The following KIAA0319 variants were observed in gnomAD, a reference collection of about 807,000 sequenced individuals.
KIAA0319 encodes KIAA0319, also known as dyslexia-associated protein KIAA0319.
In KIAA0319, 83 loss-of-function variants were observed where a neutral mutation model predicts 108.4. That is an observed-to-expected ratio of 0.77 (90% CI 0.64 to 0.92). KIAA0319 has a LOEUF of 0.92. Ranked by LOEUF, KIAA0319 falls within the 40% of genes least tolerant of loss-of-function variation. The pLI is 0.00. For synonymous variants in KIAA0319, 484 were observed against 510.4 expected (o/e 0.95, Z 0.70); for missense variants, 1,195 against 1,322.4 (o/e 0.90, Z 1.49).
rs747998887 is a variant in KIAA0319 at position 24,601,121 on chromosome 6, G to T, written c.-18C>A. On this transcript the variant is annotated 5_prime_UTR_variant, in exon 2 of 21. Coordinates refer to ENST00000378214, the MANE Select transcript of KIAA0319 (RefSeq NM_014809.4). ...GGCGCCATTGTGCACCACACAGTGG[G>T]TGATGGCAGGCTTCTGAGGCGGCCC... 4 of 1,613,666 alleles carry T rather than the reference G, an allele frequency of 2.5e-6. No individual in the cohort carries two copies. The highest frequency in any genetic ancestry group is 1.3e-5 in the African/African-American group (1 of 74,918).
intron 1 of KIAA0319, among the ~76,000 whole-genome samples, chr6:24,606,183 C>A (rs1196873859): frequency 6.6e-6 from 1 of 152,174 alleles, no homozygotes; most frequent in Non-Finnish European, 1.5e-5. Flanking sequence ...GTGATCTGCC[C>A]ACCTTGGCCT....
At chr6:24,552,715 C>T (rs1039289679) in intron 19 of KIAA0319, among the ~76,000 whole-genome samples, 11 of 152,276 alleles carry the variant, frequency 7.2e-5, no homozygotes, top group Admixed American at 1.3e-4. Context: ...AAGCGATTCT[C>T]CCGCCTCAGC....
At chr6:24,557,949 T>A (rs1462891687) in intron 17 of KIAA0319, among the ~76,000 whole-genome samples, 1 of 152,144 alleles carries the variant, frequency 6.6e-6, no homozygotes, top group Admixed American at 6.6e-5. Context: ...CATGTCATCC[T>A]GATTGTAGAG....
Position 24,572,758 on chromosome 6 carries a change from A to G in KIAA0319, c.1735-60T>C, listed in dbSNP as rs536518419. ...CAAAACAAAAAAGTAAAGAAGCACA[A>G]GTAAATAGTATGACAGAATGAAAAA... On this transcript the variant is annotated intron_variant, in intron 10 of 20. Transcript: ENST00000378214. The G allele has an allele frequency of 4.2e-6, 6 of 1,441,482 alleles. No individual in the cohort carries two copies. The African/African-American group carries it at 7.1e-5, about 17-fold the overall frequency. 89.3% of individuals were successfully genotyped at this position (1,441,482 alleles called of 1,614,324 possible).
chr6:24,637,981 C>T (rs552662868), intron 1 of KIAA0319, among the ~76,000 whole-genome samples: 1 of 152,148 alleles, frequency 6.6e-6, no homozygotes, highest in Non-Finnish European at 1.5e-5. Context: ...TAGAGGGATA[C>T]TTCCCAACAC....
At chr6:24,610,717 T>C (rs1484899833) in intron 1 of KIAA0319, among the ~76,000 whole-genome samples, 2 of 151,994 alleles carry the variant, frequency 1.3e-5, no homozygotes, top group Non-Finnish European at 2.9e-5. Context: ...GCCCACGAGT[T>C]TGTGACAAGC....
intron 1 of KIAA0319, among the ~76,000 whole-genome samples, chr6:24,607,384 G>GAAAAGAAAC (rs1491052546): frequency 6.5e-5 from 2 of 30,650 alleles, no homozygotes; most frequent in Admixed American, 7.0e-4. Context: ...AGAAAAGAAA[G>GAAAAGAAAC]AAAGCCAGAC....
chr6:24,578,351 C>T (rs1307544432), intron 8 of KIAA0319, 109 bp from the exon 9 acceptor site: 6 of 793,334 alleles, frequency 7.6e-6, no homozygotes, highest in Admixed American at 2.9e-5. Flanking sequence ...AAATTATGTA[C>T]TTGCCTAGAT....
At chr6:24,542,072 G>A (rs1383003678), downstream of KIAA0319, among the ~76,000 whole-genome samples, 2 of 152,224 alleles carry the variant, frequency 1.3e-5, no homozygotes, top group Non-Finnish European at 2.9e-5. Context: ...CTGCCAGGAG[G>A]CAGAGGTTGT....
Position 24,576,422 on chromosome 6 carries a change from G to A in KIAA0319, c.1680C>T (p.Val560=). The A allele has an allele frequency of 6.2e-7, 1 of 1,614,150 alleles. No homozygotes were observed. Among genetic ancestry groups the A allele is most frequent in the East Asian group, 2.2e-5 (1 of 44,884 alleles). ...CAGGACCCAGGGACCACTCATAGAG[G>A]ACAATCTGGTGATCGTCACTGCTCT... is the stretch of plus-strand genomic sequence containing the variant. ...GNQSSDDHQI[V]LYEWSLGPGS... Residue 560 remains valine, a synonymous_variant, in exon 10 of 21, where the codon GTC becomes GTT. Transcript: ENST00000378214.
chr6:24,577,555 G>A (rs948683595), intron 9 of KIAA0319, among the ~76,000 whole-genome samples: 52 of 152,318 alleles, frequency 3.4e-4, no homozygotes, highest in African/African-American at 1.1e-3. Flanking sequence ...GGTGGTGGGA[G>A]CAGTGATGAG....
At chr6:24,574,889 G>A (rs1407197741) in intron 10 of KIAA0319, among the ~76,000 whole-genome samples, 1 of 152,206 alleles carries the variant, frequency 6.6e-6, no homozygotes, top group Non-Finnish European at 1.5e-5. Context: ...TTTCCCAGGA[G>A]TTGCCTCCAA....
intron 1 of KIAA0319, among the ~76,000 whole-genome samples, chr6:24,616,077 C>T (rs796081280): frequency 6.6e-6 from 1 of 152,222 alleles, no homozygotes; most frequent in South Asian, 2.1e-4. Context: ...TTTTCCAGAC[C>T]CTTCCACAGA....
intron 1 of KIAA0319, among the ~76,000 whole-genome samples, chr6:24,626,517 G>A (rs1047580532): frequency 6.6e-6 from 1 of 152,136 alleles, no homozygotes; most frequent in African/African-American, 2.4e-5. Flanking sequence ...GGGCAACAGA[G>A]CAAGACTCGC....
At position 24,566,597 on chromosome 6, in the gene KIAA0319, T is replaced by C; in HGVS notation, c.2292A>G (p.Gly764=). ...GGAGCAATTCTCTCTCAGTACTCAC[T>C]CCAGCTGCTGGACTCTGGCCATCCC... ...WIRDGQSPAA[G]DVIDGSDHSV... Residue 764 remains glycine, a splice_region_variant and synonymous_variant, in exon 14 of 21, where the codon GGA becomes GGG. Coordinates refer to ENST00000378214, the MANE Select transcript of KIAA0319 (RefSeq NM_014809.4). 6.2e-7 allele frequency: 1 copy of C among 1,607,408 alleles called. No individual in the cohort carries two copies. Among genetic ancestry groups the C allele is most frequent in the Admixed American group, 1.7e-5 (1 of 58,578 alleles).
chr6:24,618,196 T>G (rs6456620), intron 1 of KIAA0319, among the ~76,000 whole-genome samples: 18,692 of 151,990 alleles, frequency 0.12, 2,257 homozygotes, highest in East Asian at 0.43. Flanking sequence ...GGGGAGAAAT[T>G]AACTTAAAGT....
chr6:24,612,960 G>A lies in KIAA0319; in HGVS notation c.-105-11752C>T, dbSNP rs1200397794. On this transcript the variant is annotated intron_variant, in intron 1 of 20. Coordinates refer to ENST00000378214, the MANE Select transcript of KIAA0319 (RefSeq NM_014809.4). ...ACTACAGGCGCCCGCCACCACGCCC[G>A]ACTAATTTTTTTGTATTTTTAGTAG... Among the ~76,000 whole-genome samples, 6 of 152,112 alleles carry A rather than the reference G, an allele frequency of 3.9e-5. No individual in the cohort carries two copies. The South Asian group carries it at 6.2e-4, about 16-fold the overall frequency.
intron 17 of KIAA0319, 49 bp from the exon 18 acceptor site, chr6:24,556,778 C>G: frequency 6.4e-7 from 1 of 1,571,560 alleles, no homozygotes; most frequent in Non-Finnish European, 8.6e-7. Flanking sequence ...AAAGGGAATC[C>G]CTGGATTCAG....
At chr6:24,574,737 C>T (rs1480281529) in intron 10 of KIAA0319, among the ~76,000 whole-genome samples, 1 of 152,038 alleles carries the variant, frequency 6.6e-6, no homozygotes, top group Admixed American at 6.5e-5. Context: ...AAAATTGTTA[C>T]AAGATCCATT....
Sources: gnomAD v4.1 joint callset for allele counts (sites outside exome capture counted in the v4.1 genomes callset) on GRCh38, gnomAD v4.1.1 for gene constraint, MANE v1.5 for transcripts, NCBI Gene and HGNC (gene_info 2026-07-23, HGNC 2026-07-21) for gene names.